Variants in LRFN5 observed in about 807,000 individuals in gnomAD.
LRFN5 encodes the protein leucine rich repeat and fibronectin type III domain containing 5, also known as leucine-rich repeat and fibronectin type-III domain-containing protein 5.
In LRFN5, 24 loss-of-function variants were observed where a neutral mutation model predicts 45.6. That is an observed-to-expected ratio of 0.53 (90% confidence interval 0.38 to 0.74). LRFN5 has a LOEUF of 0.74. LRFN5 is among the 30% of genes least tolerant of loss of function. The pLI is 0.00. For synonymous variants in LRFN5, 340 were observed against 313.8 expected (o/e 1.08, Z -0.88); for missense variants, 776 against 861.5 (o/e 0.90, Z 1.24).
intron 1 of LRFN5, among the ~76,000 whole-genome samples, chr14:41,758,631 G>A (rs1047397476): frequency 6.6e-6 from 1 of 152,258 alleles, no homozygotes. Flanking sequence ...AGGACAGCAG[G>A]GTTACGGTCT....
intron 2 of LRFN5, among the ~76,000 whole-genome samples, chr14:41,822,920 ATGT>A (rs1284637155): frequency 7.1e-6 from 1 of 140,966 alleles, no homozygotes; most frequent in Non-Finnish European, 1.5e-5. Flanking sequence ...TCTTGTTTTA[ATGT>A]TGTTGATTTA....
intron 2 of LRFN5, among the ~76,000 whole-genome samples, chr14:41,855,430 A>G (rs1382220285): frequency 6.6e-6 from 1 of 152,192 alleles, no homozygotes; most frequent in Admixed American, 6.5e-5. Context: ...ACCACTGAAC[A>G]TATCTAGCTA....
At chr14:41,734,364 A>T (rs1884332894) in intron 1 of LRFN5, among the ~76,000 whole-genome samples, 1 of 113,780 alleles carries the variant, frequency 8.8e-6, no homozygotes, top group Non-Finnish European at 1.9e-5. Context: ...GCTGTAACTT[A>T]TTGATGAATT....
chr14:41,766,799 A>G (rs1885898917), intron 1 of LRFN5, 55 bp from the exon 2 acceptor site: 1 of 152,490 alleles, frequency 6.6e-6, no homozygotes, highest in Non-Finnish European at 1.5e-5. Flanking sequence ...TTTTTCAAGG[A>G]TACTTTATAA....
chr14:41,760,623 A>G (rs988985923), intron 1 of LRFN5, among the ~76,000 whole-genome samples: 1 of 152,070 alleles, frequency 6.6e-6, no homozygotes, highest in African/African-American at 2.4e-5. Flanking sequence ...GTGCAGTATT[A>G]TGGTTTCTTT....
chr14:41,735,978 G>C (rs981733058), intron 1 of LRFN5, among the ~76,000 whole-genome samples: 2 of 152,138 alleles, frequency 1.3e-5, no homozygotes, highest in Admixed American at 6.6e-5. Context: ...GTGTATATGT[G>C]CCATATTTGC....
chr14:41,696,704 A>G (rs1408664979), intron 1 of LRFN5, among the ~76,000 whole-genome samples: 1 of 151,856 alleles, frequency 6.6e-6, no homozygotes, highest in Non-Finnish European at 1.5e-5. Context: ...CAAGGAGTCC[A>G]TTTTTCCTGC....
intron 2 of LRFN5, among the ~76,000 whole-genome samples, chr14:41,822,219 A>G (rs538163240): frequency 6.6e-6 from 1 of 150,550 alleles, no homozygotes; most frequent in Non-Finnish European, 1.5e-5. Flanking sequence ...TTATGTTCTT[A>G]TTTTTCTATT....
At chr14:41,876,568 T>C (rs1468375345) in intron 2 of LRFN5, among the ~76,000 whole-genome samples, 1 of 152,038 alleles carries the variant, frequency 6.6e-6, no homozygotes, top group Non-Finnish European at 1.5e-5. Flanking sequence ...AGTGTTGGGA[T>C]TACAGGCGTG....
At chr14:41,832,799 G>T (rs1259279340) in intron 2 of LRFN5, among the ~76,000 whole-genome samples, 1 of 152,108 alleles carries the variant, frequency 6.6e-6, no homozygotes, top group African/African-American at 2.4e-5. Context: ...CTTTTCTCTT[G>T]TGTGAGCTGT....
intron 1 of LRFN5, among the ~76,000 whole-genome samples, chr14:41,659,859 G>A (rs1283306908): frequency 2.0e-5 from 3 of 149,276 alleles, no homozygotes; most frequent in Non-Finnish European, 3.0e-5. Flanking sequence ...CTTTTGAGAA[G>A]TGTCTGTTCA....
chr14:41,679,974 C>T (rs1278604869), intron 1 of LRFN5, among the ~76,000 whole-genome samples: 1 of 152,124 alleles, frequency 6.6e-6, no homozygotes, highest in African/African-American at 2.4e-5. Flanking sequence ...AGTAGCCAGG[C>T]AGTAGTGGCT....
At chr14:41,753,853 A>G (rs1566653369) in intron 1 of LRFN5, among the ~76,000 whole-genome samples, 1 of 152,190 alleles carries the variant, frequency 6.6e-6, no homozygotes, top group Non-Finnish European at 1.5e-5. Context: ...CCAGTTTTCA[A>G]AGGGAATGCT....
intron 2 of LRFN5, among the ~76,000 whole-genome samples, chr14:41,855,971 A>T (rs117767939): frequency 0.01 from 1,565 of 152,308 alleles, 18 homozygotes; most frequent in Non-Finnish European, 0.016. Flanking sequence ...TAAAGTATTT[A>T]AGAAATCAAC....
intron 1 of LRFN5, among the ~76,000 whole-genome samples, chr14:41,705,683 A>G (rs1358693218): frequency 1.3e-5 from 2 of 152,132 alleles, no homozygotes; most frequent in Non-Finnish European, 2.9e-5. Context: ...TAACCTAGCA[A>G]CATGTTTATA....
chr14:41,689,430 T>G (rs1329051991), intron 1 of LRFN5, among the ~76,000 whole-genome samples: 1 of 152,076 alleles, frequency 6.6e-6, no homozygotes, highest in Non-Finnish European at 1.5e-5. Context: ...AAATCACTAC[T>G]GATCTTACAG....
chr14:41,717,808 A>G (rs1424674397), intron 1 of LRFN5, among the ~76,000 whole-genome samples: 1 of 152,142 alleles, frequency 6.6e-6, no homozygotes, highest in African/African-American at 2.4e-5. Flanking sequence ...TTTCCCCAAA[A>G]AGGGAAGTCT....
chr14:41,795,771 T>C (rs1259347955), intron 2 of LRFN5, among the ~76,000 whole-genome samples: 1 of 146,442 alleles, frequency 6.8e-6, no homozygotes, highest in Non-Finnish European at 1.5e-5. Context: ...CACCAGGGCC[T>C]GTCGTAGGTT....
intron 2 of LRFN5, among the ~76,000 whole-genome samples, chr14:41,801,120 A>G (rs549048442): frequency 6.6e-6 from 1 of 151,990 alleles, no homozygotes; most frequent in Non-Finnish European, 1.5e-5. Context: ...AAAGGAGTAG[A>G]AAAAAACTGA....
Sources: allele counts gnomAD v4.1 joint callset (sites outside exome capture counted in the v4.1 genomes callset), GRCh38; gene constraint gnomAD v4.1.1; transcripts MANE v1.5; gene names NCBI Gene and HGNC (gene_info 2026-07-23, HGNC 2026-07-21).